MDH1B: variants seen among roughly 807,000 people sequenced by gnomAD.
MDH1B encodes malate dehydrogenase 1B.
MDH1B carries 60 observed loss-of-function variants against 61.4 expected under a neutral mutation model. The ratio of observed to expected loss-of-function variants is 0.98; its 90% CI spans 0.79 to 1.21. The LOEUF is 1.21. Among genes scored for constraint, MDH1B ranks in the 50% most tolerant of loss-of-function variants. The pLI, the probability that MDH1B is intolerant of heterozygous loss-of-function variation, is 0.00. For missense variants in MDH1B, 587 were observed against 632.1 expected (o/e 0.93, Z 0.76); for synonymous variants, 236 against 218.7 (o/e 1.08, Z -0.70).
At position 206,755,222 on chromosome 2, in the gene MDH1B, C is replaced by T. The variant is rs752105350; in HGVS notation, c.697G>A (p.Val233Met). The T allele has an allele frequency of 3.2e-5, 52 of 1,614,030 alleles. No individual in the cohort carries two copies. The highest frequency in any genetic ancestry group is 2.3e-5 in the Non-Finnish European group (27 of 1,180,024). ...FTLEDCLRSR[V>M]PLCRLYGYLI... is the part of the protein sequence containing the mutation. ...TACCCATAGAGCCTGCAGAGAGGCA[C>T]CCTGCTTCGGAGGCAGTCCTCCAGA... Residue 233 changes from valine to methionine, a missense_variant, in exon 5 of 12, where the codon GTG (valine) becomes ATG (methionine). Coordinates refer to ENST00000374412, the MANE Select transcript of MDH1B (RefSeq NM_001039845.3).
At chr2:206,743,724 A>G (rs1278139450) in intron 9 of MDH1B, among the ~76,000 whole-genome samples, 1 of 152,100 alleles carries the variant, frequency 6.6e-6, no homozygotes, top group Non-Finnish European at 1.5e-5. Context: ...ACAGGCGTGC[A>G]TGCACACACA....
At chr2:206,758,754 G>A (rs13390597) in intron 2 of MDH1B, among the ~76,000 whole-genome samples, 2,154 of 150,030 alleles carry the variant, frequency 0.014, 50 homozygotes, top group African/African-American at 0.051. Flanking sequence ...CGACAAGGGC[G>A]AAACTCCATC....
chr2:206,756,429 A>G (rs1362289918), intron 4 of MDH1B, among the ~76,000 whole-genome samples: 4 of 152,074 alleles, frequency 2.6e-5, no homozygotes, highest in Non-Finnish European at 2.9e-5. Context: ...AGAGAAAGAA[A>G]GAGAGAGAGT....
intron 5 of MDH1B, among the ~76,000 whole-genome samples, chr2:206,751,334 T>G (rs1386763504): frequency 1.3e-5 from 2 of 152,160 alleles, no homozygotes; most frequent in Admixed American, 6.5e-5. Flanking sequence ...AAATGTTCCT[T>G]GAAAGAAACT....
intron 7 of MDH1B, among the ~76,000 whole-genome samples, 187 bp downstream of exon 7, chr2:206,748,833 G>T (rs1194942751): frequency 6.6e-6 from 1 of 152,216 alleles, no homozygotes; most frequent in Non-Finnish European, 1.5e-5. Flanking sequence ...TATTTCCAAT[G>T]CATCCATACA....
chr2:206,765,248 AC>A lies in MDH1B; in HGVS notation c.22+1del. On this transcript the variant is annotated splice_donor_variant, in intron 1 of 11. Transcript: ENST00000374412. LOFTEE classifies it high-confidence loss of function. Reference sequence around the variant, plus strand: ...CTGCGGGCGGACGCGGGGATCACTCACCCGCGATGACGAATTTGGCCATGGT... The same window carrying A: ...CTGCGGGCGGACGCGGGGATCACTCACCGCGATGACGAATTTGGCCATGGT... 1 of 1,602,036 alleles carries A rather than the reference AC, an allele frequency of 6.2e-7. No individual in the cohort carries two copies. The highest frequency in any genetic ancestry group is 8.5e-7 in the Non-Finnish European group (1 of 1,176,098).
At position 206,765,259 on chromosome 2, in the gene MDH1B, C is replaced by A. The variant is rs1440643473; in HGVS notation, c.13G>T (p.Val5Phe). 6.2e-7 allele frequency: 1 copy of A among 1,601,988 alleles called. No homozygotes were observed. The highest frequency in any genetic ancestry group is 1.1e-5 in the South Asian group (1 of 89,468). MAKF[V>F]IAGRADCPYY... Reference sequence around the variant, plus strand: ...CGCGGGGATCACTCACCCGCGATGACGAATTTGGCCATGGTCGAGAGAGAC... The same window carrying A: ...CGCGGGGATCACTCACCCGCGATGAAGAATTTGGCCATGGTCGAGAGAGAC... The change falls in exon 1 of 12, where the codon GTC becomes TTC. Residue 5 changes from valine (V) to phenylalanine (F), a missense_variant. By Grantham distance (50) the Val-to-Phe change is conservative. Transcript: ENST00000374412.
At chr2:206,754,952 C>A in intron 5 of MDH1B, 57 bp downstream of exon 5, 1 of 1,555,890 alleles carries the variant, frequency 6.4e-7, no homozygotes, top group South Asian at 1.2e-5. Flanking sequence ...TTCCTAGCTG[C>A]TTTGAAATCA....
chr2:206,760,312 G>C (rs930294087), intron 2 of MDH1B, among the ~76,000 whole-genome samples: 1 of 152,168 alleles, frequency 6.6e-6, no homozygotes, highest in Admixed American at 6.5e-5. Context: ...GCTGATATCC[G>C]ATGGCTGGTT....
rs187212012 is a variant in MDH1B at position 206,751,139 on chromosome 2, A to G, written c.911-64T>C. On this transcript the variant is annotated intron_variant, in intron 5 of 11. Coordinates refer to ENST00000374412, the MANE Select transcript of MDH1B (RefSeq NM_001039845.3). ...TATGTTAATATAAAAAATTGCCTGAAGCCTATTTTTTGTTTGCGTGCATGT... is the reference window on the plus strand; with the variant it reads ...TATGTTAATATAAAAAATTGCCTGAGGCCTATTTTTTGTTTGCGTGCATGT... 1.4e-4 allele frequency: 171 copies of G among 1,252,242 alleles called. 2 individuals are homozygous for G. The East Asian group carries it at 3.9e-3, about 28-fold the overall frequency. The allele number at this position is 1,252,242 out of a possible 1,614,324, so 77.6% of individuals were successfully genotyped here.
chr2:206,760,187 G>A (rs1401583657), intron 2 of MDH1B, among the ~76,000 whole-genome samples: 1 of 152,132 alleles, frequency 6.6e-6, no homozygotes, highest in African/African-American at 2.4e-5. Context: ...CACTCTCCCA[G>A]GCACCTGGTG....
intron 9 of MDH1B, among the ~76,000 whole-genome samples, chr2:206,742,883 G>T (rs985588845): frequency 6.7e-6 from 1 of 149,934 alleles, no homozygotes; most frequent in South Asian, 2.1e-4. Context: ...GGCTAATTTT[G>T]TTTTTGTATT....
intron 5 of MDH1B, 70 bp downstream of exon 5, chr2:206,754,939 T>C (rs1688666953): frequency 6.6e-7 from 1 of 1,518,890 alleles, no homozygotes; most frequent in Non-Finnish European, 8.9e-7. Context: ...GGGGACAGTG[T>C]TCTTCCTAGC....
intron 7 of MDH1B, 67 bp from the exon 8 acceptor site, chr2:206,746,493 G>A: frequency 6.7e-7 from 1 of 1,488,250 alleles, no homozygotes; most frequent in South Asian, 1.3e-5. Context: ...TTTCTGTTAA[G>A]CATTGTAGAA....
chr2:206,764,620 G>T (rs901370271), intron 1 of MDH1B, among the ~76,000 whole-genome samples: 5 of 152,176 alleles, frequency 3.3e-5, no homozygotes, highest in African/African-American at 1.2e-4. Flanking sequence ...TTGCTGCCAA[G>T]ACAGGCTTCC....
At chr2:206,744,260 C>T (rs926250529) in intron 9 of MDH1B, among the ~76,000 whole-genome samples, 2 of 152,180 alleles carry the variant, frequency 1.3e-5, no homozygotes, top group East Asian at 3.8e-4. Context: ...AATGTGTGGC[C>T]AGCCTCTTGA....
chr2:206,758,571 G>A (rs1009461216), intron 2 of MDH1B, among the ~76,000 whole-genome samples: 1 of 152,106 alleles, frequency 6.6e-6, no homozygotes, highest in Non-Finnish European at 1.5e-5. Context: ...TTCGAGACAA[G>A]CCTGGTCAAC....
At chr2:206,760,404 C>T (rs1559350397) in intron 2 of MDH1B, among the ~76,000 whole-genome samples, 3 of 152,126 alleles carry the variant, frequency 2.0e-5, no homozygotes, top group South Asian at 2.1e-4. Flanking sequence ...CTGTGGGATC[C>T]GCTGAGCCCT....
chr2:206,739,843 T>C (rs758616834), intron 10 of MDH1B, among the ~76,000 whole-genome samples, 182 bp from the exon 11 acceptor site: 1 of 152,202 alleles, frequency 6.6e-6, no homozygotes, highest in South Asian at 2.1e-4. Flanking sequence ...TGATGACTTA[T>C]CTATGTCCTG....
Sources: gnomAD v4.1 joint callset for allele counts (sites outside exome capture counted in the v4.1 genomes callset) on GRCh38, gnomAD v4.1.1 for gene constraint, MANE v1.5 for transcripts, NCBI Gene and HGNC (gene_info 2026-07-23, HGNC 2026-07-21) for gene names.